The following SGCD variants were observed in gnomAD, a reference collection of about 807,000 sequenced individuals.
SGCD encodes delta-sarcoglycan.
Under a neutral mutation model 36.6 loss-of-function variants are expected in SGCD, and 18 were observed. The observed-to-expected ratio is 0.49, with a 90% CI of 0.34 to 0.73. The LOEUF (loss-of-function observed/expected upper bound fraction) is 0.73. SGCD is among the 30% of genes least tolerant of loss of function. The probability of loss-of-function intolerance (pLI) is 0.01; values close to 1 mark genes in which losing one functional copy is unlikely to be tolerated. For synonymous variants in SGCD, 133 were observed against 130.6 expected (o/e 1.02, Z -0.12); for missense variants, 387 against 346.7 (o/e 1.12, Z -0.92).
At chr5:155,748,084 G>A in the SGCD span, among the ~76,000 whole-genome samples, 2 of 151,786 alleles carry the variant, frequency 1.3e-5, no homozygotes, top group Non-Finnish European at 1.5e-5. Context: ...ACTCTGACCA[G>A]GGCTGCTGAC....
intron 1 of SGCD, among the ~76,000 whole-genome samples, chr5:155,918,301 G>T (rs145650230): frequency 3.9e-5 from 6 of 152,302 alleles, no homozygotes; most frequent in Admixed American, 3.9e-4. Context: ...AGTGGCTCAC[G>T]CCTGTAATCC....
chr5:156,730,377 C>G (rs888101200), intron 7 of SGCD, among the ~76,000 whole-genome samples: 1 of 152,136 alleles, frequency 6.6e-6, no homozygotes, highest in Non-Finnish European at 1.5e-5. Context: ...TCTCTATCCT[C>G]TCACCCTGCC....
At chr5:156,236,126 GTC>G (rs1185637904) in intron 3 of SGCD, among the ~76,000 whole-genome samples, 6 of 152,074 alleles carry the variant, frequency 3.9e-5, no homozygotes, top group Non-Finnish European at 8.8e-5. Context: ...TTTAGTATTA[GTC>G]CCCCATTCTA....
At chr5:156,047,598 G>T (rs1434862315) in intron 1 of SGCD, among the ~76,000 whole-genome samples, 2 of 152,098 alleles carry the variant, frequency 1.3e-5, no homozygotes, top group Admixed American at 1.3e-4. Context: ...TCTGTTTATA[G>T]CATGGCTAAT....
At chr5:156,622,435 A>AAAAAATAAT (rs1344795810) in intron 6 of SGCD, among the ~76,000 whole-genome samples, 1 of 137,086 alleles carries the variant, frequency 7.3e-6, no homozygotes, top group Non-Finnish European at 1.5e-5. Flanking sequence ...TCTGTCTAAA[A>AAAAAATAAT]AATAATAATA....
chr5:156,085,039 CA>C (rs1167642525), intron 1 of SGCD, among the ~76,000 whole-genome samples: 1 of 152,080 alleles, frequency 6.6e-6, no homozygotes, highest in Non-Finnish European at 1.5e-5. Flanking sequence ...GAATAAATCT[CA>C]AAAATCAATT....
intron 3 of SGCD, among the ~76,000 whole-genome samples, chr5:156,296,033 A>G (rs1322779185): frequency 1.3e-5 from 2 of 152,220 alleles, no homozygotes. Flanking sequence ...GGGACCTGTG[A>G]GCCAGAGCAT....
intron 3 of SGCD, among the ~76,000 whole-genome samples, chr5:156,496,505 T>C (rs566577610): frequency 6.6e-6 from 1 of 152,270 alleles, no homozygotes; most frequent in South Asian, 2.1e-4. Context: ...ATTGTGATTC[T>C]TTTTGGCTAA....
chr5:156,578,373 T>C (rs750391981), intron 4 of SGCD, among the ~76,000 whole-genome samples: 1 of 152,214 alleles, frequency 6.6e-6, no homozygotes. Flanking sequence ...TCTAAAATTC[T>C]CTTTTTTTTG....
chr5:156,504,063 G>A (rs1273776812), intron 3 of SGCD, among the ~76,000 whole-genome samples: 1 of 151,876 alleles, frequency 6.6e-6, no homozygotes, highest in African/African-American at 2.4e-5. Context: ...AATTAGCCAG[G>A]CATAGTGGTG....
chr5:155,997,615 A>T (rs1435304499), intron 1 of SGCD, among the ~76,000 whole-genome samples: 1 of 152,228 alleles, frequency 6.6e-6, no homozygotes, highest in East Asian at 1.9e-4. Flanking sequence ...TTTGCCAGAG[A>T]ATTTGTTCTT....
intron 1 of SGCD, among the ~76,000 whole-genome samples, chr5:156,087,448 C>T (rs112119588): frequency 7.9e-5 from 12 of 151,782 alleles, no homozygotes; most frequent in South Asian, 2.1e-4. Context: ...AGACCAGCCT[C>T]GCCAACATGG....
chr5:156,755,157 C>A (rs967832043), intron 7 of SGCD, among the ~76,000 whole-genome samples: 1 of 152,086 alleles, frequency 6.6e-6, no homozygotes, highest in Non-Finnish European at 1.5e-5. Context: ...TGTCCATGGT[C>A]ATTTAGTGGC....
intron 3 of SGCD, among the ~76,000 whole-genome samples, chr5:156,411,879 A>C (rs1271528617): frequency 1.4e-5 from 2 of 145,642 alleles, no homozygotes; most frequent in East Asian, 2.1e-4. Context: ...AACAGGGTGG[A>C]AACTTGATAA....
chr5:155,811,932 A>G, the SGCD span, among the ~76,000 whole-genome samples: 3 of 151,976 alleles, frequency 2.0e-5, no homozygotes, highest in Non-Finnish European at 2.9e-5. Context: ...GTAGAAGTAC[A>G]GTATACAGAG....
the SGCD span, among the ~76,000 whole-genome samples, chr5:155,749,350 C>A: frequency 6.6e-6 from 1 of 152,192 alleles, no homozygotes; most frequent in Admixed American, 6.5e-5. Flanking sequence ...AGGAGCTTGA[C>A]ATCAAGGTAT....
chr5:156,191,441 A>G (rs901210931), intron 3 of SGCD, among the ~76,000 whole-genome samples: 4 of 152,170 alleles, frequency 2.6e-5, no homozygotes, highest in Non-Finnish European at 5.9e-5. Flanking sequence ...TGCAGTTTCT[A>G]GGATGACTCT....
At chr5:156,571,457 C>T (rs537808659) in intron 4 of SGCD, among the ~76,000 whole-genome samples, 1 of 152,176 alleles carries the variant, frequency 6.6e-6, no homozygotes, top group East Asian at 1.9e-4. Flanking sequence ...TATTCTCTCT[C>T]TTAGATATGA....
chr5:155,848,411 C>G, the SGCD span, among the ~76,000 whole-genome samples: 1 of 152,098 alleles, frequency 6.6e-6, no homozygotes, highest in Admixed American at 6.6e-5. Flanking sequence ...GGTGCCAGGG[C>G]AGAAAGCGTG....
Sources: allele counts gnomAD v4.1 joint callset (sites outside exome capture counted in the v4.1 genomes callset), GRCh38; gene constraint gnomAD v4.1.1; transcripts MANE v1.5; gene names NCBI Gene and HGNC (gene_info 2026-07-23, HGNC 2026-07-21).